The following WWTR1 variants were observed in gnomAD, a reference collection of about 807,000 sequenced individuals.
The protein encoded by WWTR1 is WW domain-containing transcription regulator protein 1.
WWTR1 carries 13 observed loss-of-function variants against 40.1 expected under a neutral mutation model. The ratio of observed to expected loss-of-function variants is 0.32; its 90% confidence interval spans 0.21 to 0.52. WWTR1 has a LOEUF of 0.52. Among genes scored for constraint, WWTR1 ranks in the 20% least tolerant of loss-of-function variants. WWTR1 has a pLI of 0.97. For missense variants in WWTR1, 436 were observed against 523.1 expected (o/e 0.83, Z 1.63); for synonymous variants, 230 against 210.1 (o/e 1.09, Z -0.82).
intron 1 of WWTR1, among the ~76,000 whole-genome samples, chr3:149,675,814 G>A (rs6763308): frequency 1.3e-4 from 19 of 151,732 alleles, no homozygotes; most frequent in Admixed American, 2.6e-4. Flanking sequence ...CCTCCCAGGG[G>A]TCACGCCATT....
At chr3:149,688,493 A>G (rs752307232) in intron 1 of WWTR1, among the ~76,000 whole-genome samples, 1 of 152,320 alleles carries the variant, frequency 6.6e-6, no homozygotes, top group African/African-American at 2.4e-5. Flanking sequence ...CTGGTAATCC[A>G]GGGAATCCTC....
chr3:149,570,837 C>T (rs114680587), intron 3 of WWTR1, among the ~76,000 whole-genome samples: 1 of 152,118 alleles, frequency 6.6e-6, no homozygotes, highest in African/African-American at 2.4e-5. Context: ...CCACTTCCTA[C>T]ATATCGCACA....
At chr3:149,685,209 G>A (rs1207640808) in intron 1 of WWTR1, among the ~76,000 whole-genome samples, 5 of 152,174 alleles carry the variant, frequency 3.3e-5, no homozygotes, top group South Asian at 2.1e-4. Context: ...GCACCTGATC[G>A]AAGATGGACT....
At chr3:149,529,665 T>A (rs1735477728) in intron 4 of WWTR1, among the ~76,000 whole-genome samples, 1 of 152,190 alleles carries the variant, frequency 6.6e-6, no homozygotes, top group South Asian at 2.1e-4. Flanking sequence ...GTTTTTAACA[T>A]GGCAGGCAGG....
intron 2 of WWTR1, among the ~76,000 whole-genome samples, chr3:149,649,681 C>T (rs1160315447): frequency 1.3e-5 from 2 of 152,136 alleles, no homozygotes; most frequent in African/African-American, 2.4e-5. Context: ...CTTTGGGATG[C>T]CATGGTGGGC....
intron 2 of WWTR1, among the ~76,000 whole-genome samples, chr3:149,584,537 T>C (rs1039348233): frequency 6.6e-6 from 1 of 152,160 alleles, no homozygotes; most frequent in Non-Finnish European, 1.5e-5. Flanking sequence ...AAGAAATTAT[T>C]TGGAGGATCA....
At chr3:149,537,160 T>G (rs9880634) in intron 4 of WWTR1, among the ~76,000 whole-genome samples, 145,050 of 152,254 alleles carry the variant, frequency 0.95, 69,179 homozygotes, top group East Asian at 1. Context: ...AATTTTTCAG[T>G]TGTAACAACA....
intron 2 of WWTR1, among the ~76,000 whole-genome samples, chr3:149,589,642 A>G (rs1428814386): frequency 7.7e-6 from 1 of 130,692 alleles, no homozygotes; most frequent in Non-Finnish European, 1.6e-5. Context: ...TTTCCTTTCC[A>G]TGAGTTTTTT....
At chr3:149,623,920 T>C (rs995635555) in intron 2 of WWTR1, among the ~76,000 whole-genome samples, 1 of 152,358 alleles carries the variant, frequency 6.6e-6, no homozygotes, top group South Asian at 2.1e-4. Context: ...CTTGCATATA[T>C]GCTTAGCTCT....
At chr3:149,573,222 C>G (rs866838096) in intron 2 of WWTR1, among the ~76,000 whole-genome samples, 1 of 152,106 alleles carries the variant, frequency 6.6e-6, no homozygotes, top group Middle Eastern at 3.2e-3. Flanking sequence ...TAAACACAAG[C>G]CCAAGACATC....
chr3:149,642,647 C>T (rs552749529), intron 2 of WWTR1, among the ~76,000 whole-genome samples: 1 of 150,950 alleles, frequency 6.6e-6, no homozygotes, highest in Non-Finnish European at 1.5e-5. Context: ...TGGTTGCAAG[C>T]GCCTGTAGTA....
chr3:149,576,785 T>C (rs939811558), intron 2 of WWTR1, among the ~76,000 whole-genome samples: 1 of 152,144 alleles, frequency 6.6e-6, no homozygotes, highest in African/African-American at 2.4e-5. Flanking sequence ...CTTTGTACTT[T>C]CCAGATTTTT....
chr3:149,568,348 C>T (rs1423962393), intron 3 of WWTR1, among the ~76,000 whole-genome samples: 1 of 149,566 alleles, frequency 6.7e-6, no homozygotes, highest in Admixed American at 6.6e-5. Flanking sequence ...TCTAAAGTCC[C>T]CCAAGGTCGT....
rs113622452 is a variant in WWTR1 at position 149,671,253 on chromosome 3, C to T, written c.-107-1362G>A. On this transcript the variant is annotated intron_variant, in intron 1 of 7. Transcript: ENST00000465804. ...GAAGAAACGGGTCTACACCTGGCCTCTCAACACCGCTGGCAGGACTCCTGA... is the reference window on the plus strand; with the variant it reads ...GAAGAAACGGGTCTACACCTGGCCTTTCAACACCGCTGGCAGGACTCCTGA... Among the ~76,000 whole-genome samples the T allele has an allele frequency of 6.6e-3, 1,004 of 152,224 alleles. 11 individuals carry two copies. Among genetic ancestry groups the T allele is most frequent in the African/African-American group, 0.023 (961 of 41,538 alleles).
intron 3 of WWTR1, among the ~76,000 whole-genome samples, chr3:149,568,801 C>T (rs1737478076): frequency 6.6e-6 from 1 of 152,222 alleles, no homozygotes; most frequent in African/African-American, 2.4e-5. Context: ...GAGTCTCGCT[C>T]TGTCGCCCAG....
intron 1 of WWTR1, chr3:149,701,616 T>C (rs1180287678): frequency 5.7e-6 from 1 of 176,834 alleles, no homozygotes. Flanking sequence ...ATGTTTTTTA[T>C]TTATCTTTTT....
At chr3:149,651,992 A>ATTTTTTT (rs368845286) in intron 2 of WWTR1, among the ~76,000 whole-genome samples, 78 of 93,696 alleles carry the variant, frequency 8.3e-4, no homozygotes, top group Admixed American at 3.5e-3. Flanking sequence ...CGCCCGGCTA[A>ATTTTTTT]TTTTTTTTTT....
intron 4 of WWTR1, among the ~76,000 whole-genome samples, chr3:149,528,989 T>C (rs1323153072): frequency 6.6e-6 from 1 of 152,254 alleles, no homozygotes; most frequent in Non-Finnish European, 1.5e-5. Flanking sequence ...ACAAATTTAC[T>C]GACTGCAACT....
chr3:149,603,542 G>A (rs574829483), intron 2 of WWTR1, among the ~76,000 whole-genome samples: 5 of 134,934 alleles, frequency 3.7e-5, no homozygotes, highest in East Asian at 3.0e-4. Context: ...TAGTTACAAA[G>A]GTTCCCCACC....
Sources: allele counts gnomAD v4.1 joint callset (sites outside exome capture counted in the v4.1 genomes callset), GRCh38; gene constraint gnomAD v4.1.1; transcripts MANE v1.5; gene names NCBI Gene and HGNC (gene_info 2026-07-23, HGNC 2026-07-21).